The following TMEM200B variants were observed in gnomAD, a reference collection of about 807,000 sequenced individuals.
TMEM200B encodes the protein transmembrane protein TTMA.
A neutral mutation model predicts 17.6 loss-of-function variants in TMEM200B; 12 were observed. The ratio of observed to expected loss-of-function variants is 0.68; its 90% CI spans 0.44 to 1.11. The LOEUF (loss-of-function observed/expected upper bound fraction) is 1.11. Ranked by LOEUF, TMEM200B falls within the 50% of genes least tolerant of loss-of-function variation. TMEM200B has a pLI of 0.00. For synonymous variants in TMEM200B, 234 were observed against 209.2 expected, an observed-to-expected ratio of 1.12 and a Z score of -1.02; for missense variants, 456 against 447.6, an observed-to-expected ratio of 1.02 and a Z score of -0.17.
chr1:29,121,157 G>A lies in TMEM200B; in HGVS notation c.672C>T (p.Tyr224=). The change falls in exon 2 of 2, where the codon TAC becomes TAT. Residue 224 remains tyrosine, a synonymous_variant. Coordinates refer to ENST00000521452, the MANE Select transcript of TMEM200B (RefSeq NM_001003682.4). This position sits in a 1 kb window ranked among gnomAD's most constrained non-coding sequence, Gnocchi z 5.6. ...GGGGCAGCCCGGGGCCCTTCAGCGG[G>A]TAGCTGTTGAGCAAGGCAGGTAACC... ...RLGLPALLNS[Y]PLKGPGLPPP... is the part of the protein sequence containing the mutation. 1 of 1,613,686 alleles carries A rather than the reference G, an allele frequency of 6.2e-7. No individual in the cohort carries two copies.
Position 29,119,557 on chromosome 1 carries a change from G to A in TMEM200B, c.*1348C>T, listed in dbSNP as rs1671537277. 1 of 152,364 alleles carries A rather than the reference G, an allele frequency of 6.6e-6. No homozygotes were observed. Among genetic ancestry groups the A allele is most frequent in the East Asian group, 1.9e-4 (1 of 5,186 alleles). The allele number at this position is 152,364 out of a possible 1,614,324, so 9.4% of individuals were successfully genotyped here. On this transcript the variant is annotated 3_prime_UTR_variant, in exon 2 of 2. Transcript: ENST00000521452. ...CGAGGGCTCAGGGAGCCTAACTGCG[G>A]GACCCGTCAGGGCCCCGTGACCCAT...
chr1:29,122,399 C>G (rs900886123), intron 1 of TMEM200B: 1 of 152,498 alleles, frequency 6.6e-6, no homozygotes, highest in Admixed American at 6.5e-5. Flanking sequence ...CCGGCTCCAG[C>G]CTCTCCCTGC....
rs767429790 is a variant in TMEM200B at position 29,121,172 on chromosome 1, G to A, written c.657C>T (p.Ala219=). The change falls in exon 2 of 2, where the codon GCC becomes GCT. Residue 219 remains alanine (A), a synonymous_variant. Coordinates refer to ENST00000521452, the MANE Select transcript of TMEM200B (RefSeq NM_001003682.4). This position sits in a 1 kb window ranked among gnomAD's most constrained non-coding sequence, Gnocchi z 5.6. ...CCTTCAGCGGGTAGCTGTTGAGCAA[G>A]GCAGGTAACCCCAAGCGAGGATTAG... is the stretch of plus-strand genomic sequence containing the variant. ...EPANPRLGLP[A]LLNSYPLKGP... The A allele has an allele frequency of 4.2e-5, 68 of 1,613,508 alleles. No individual in the cohort carries two copies. The Admixed American group carries it at 9.8e-4, about 23-fold the overall frequency.
Position 29,120,573 on chromosome 1 carries a change from C to G in TMEM200B, c.*332G>C, listed in dbSNP as rs1671716158. 1 of 307,902 alleles carries G rather than the reference C, an allele frequency of 3.2e-6. No homozygotes were observed. 19.1% of individuals were successfully genotyped at this position (307,902 alleles called of 1,614,324 possible). A position where few individuals can be genotyped will look rare whatever the true frequency, so the allele number is the denominator to read the frequency against. On this transcript the variant is annotated 3_prime_UTR_variant, in exon 2 of 2. Transcript: ENST00000521452. Reference sequence around the variant, plus strand: ...CTTGCCCACCACTTTCTTGGGTTTGCCAAGACACTGGGTACATCTCCCAGT... The same window carrying G: ...CTTGCCCACCACTTTCTTGGGTTTGGCAAGACACTGGGTACATCTCCCAGT...
Position 29,121,164 on chromosome 1 carries a change from T to G in TMEM200B, c.665A>C (p.Asn222Thr), listed in dbSNP as rs546171608. 1.9e-6 allele frequency: 3 copies of G among 1,613,612 alleles called. No homozygotes were observed. In the South Asian group the frequency reaches 3.3e-5, roughly 18 times the overall value. The change falls in exon 2 of 2, where the codon AAC becomes ACC. Residue 222 changes from asparagine to threonine, a missense_variant. Asn to Thr is a moderately conservative substitution (Grantham distance 65). Transcript: ENST00000521452. This position sits in a 1 kb window ranked among gnomAD's most constrained non-coding sequence, Gnocchi z 5.6. The part of the protein sequence containing the change: ...NPRLGLPALL[N>T]SYPLKGPGLP... Reference sequence around the variant, plus strand: ...CCCGGGGCCCTTCAGCGGGTAGCTGTTGAGCAAGGCAGGTAACCCCAAGCG... The same window carrying G: ...CCCGGGGCCCTTCAGCGGGTAGCTGGTGAGCAAGGCAGGTAACCCCAAGCG...
chr1:29,119,487 A>T lies in TMEM200B; in HGVS notation c.*1418T>A, dbSNP rs891592701. 1 of 152,340 alleles carries T rather than the reference A, an allele frequency of 6.6e-6. No individual in the cohort carries two copies. Among genetic ancestry groups the T allele is most frequent in the Non-Finnish European group, 1.5e-5 (1 of 68,056 alleles). The allele number at this position is 152,340 out of a possible 1,614,324, so 9.4% of individuals were successfully genotyped here. On this transcript the variant is annotated 3_prime_UTR_variant, in exon 2 of 2. Coordinates refer to ENST00000521452, the MANE Select transcript of TMEM200B (RefSeq NM_001003682.4). The stretch of plus-strand genomic sequence containing the variant: ...ATAAAGATTTCCTCCAAGCCACATG[A>T]GGACTCTGGCACCCACCCACAAAGC...
At chr1:29,123,288 G>A (rs1377759871) in intron 1 of TMEM200B, among the ~76,000 whole-genome samples, 2 of 152,174 alleles carry the variant, frequency 1.3e-5, no homozygotes, top group Non-Finnish European at 2.9e-5. Context: ...GAGACTGCCC[G>A]ACCCCGCACT....
At position 29,119,933 on chromosome 1, in the gene TMEM200B, C is replaced by G. The variant is rs1198580496; in HGVS notation, c.*972G>C. Reference sequence around the variant, plus strand: ...ATCTTTAGACTACACAGGCAATAATCAAGTCTGCTGTTTTGGCCTTTCGTA... The same window carrying G: ...ATCTTTAGACTACACAGGCAATAATGAAGTCTGCTGTTTTGGCCTTTCGTA... On this transcript the variant is annotated 3_prime_UTR_variant, in exon 2 of 2. Coordinates refer to ENST00000521452, the MANE Select transcript of TMEM200B (RefSeq NM_001003682.4). The G allele has an allele frequency of 6.6e-6, 1 of 152,612 alleles. No individual in the cohort carries two copies. Among genetic ancestry groups the G allele is most frequent in the African/African-American group, 2.4e-5 (1 of 41,446 alleles). 9.5% of individuals were successfully genotyped at this position (152,612 alleles called of 1,614,324 possible). A position where few individuals can be genotyped will look rare whatever the true frequency, so the allele number is the denominator to read the frequency against.
chr1:29,123,048 G>A (rs1671872791), intron 1 of TMEM200B, among the ~76,000 whole-genome samples: 1 of 152,210 alleles, frequency 6.6e-6, no homozygotes, highest in African/African-American at 2.4e-5. Context: ...CGTCCTCACT[G>A]CTCGCGTCCG....
intron 1 of TMEM200B, among the ~76,000 whole-genome samples, chr1:29,123,423 GC>G (rs1671886701): frequency 6.6e-6 from 1 of 152,162 alleles, no homozygotes; most frequent in African/African-American, 2.4e-5. Flanking sequence ...TGAGTTTGCA[GC>G]CCTTTCCCCA....
At position 29,119,912 on chromosome 1, in the gene TMEM200B, TTAGAC is replaced by T. The variant is rs1380225206; in HGVS notation, c.*988_*992del. ...CAGCAGAATCAGATTGGCAGAATCT[TTAGAC>T]TACACAGGCAATAATCAAGTCTGCT... On this transcript the variant is annotated 3_prime_UTR_variant, in exon 2 of 2. Coordinates refer to ENST00000521452, the MANE Select transcript of TMEM200B (RefSeq NM_001003682.4). The T allele has an allele frequency of 3.3e-5, 5 of 152,682 alleles. No homozygotes were observed. The highest frequency in any genetic ancestry group is 2.1e-4 in the South Asian group (1 of 4,830). The allele number at this position is 152,682 out of a possible 1,614,324, so 9.5% of individuals were successfully genotyped here. A position where few individuals can be genotyped will look rare whatever the true frequency, so the allele number is the denominator to read the frequency against.
rs56040456 is a variant in TMEM200B, at chr1:29,121,187, G to A, written c.642C>T (p.Arg214=). 21,282 of 1,613,510 alleles carry A rather than the reference G, an allele frequency of 0.013. 237 individuals carry two copies. The highest frequency in any genetic ancestry group is 0.051 in the Middle Eastern group (308 of 6,062). ...RSLRSEPANP[R]LGLPALLNSY... ...TGTTGAGCAAGGCAGGTAACCCCAA[G>A]CGAGGATTAGCGGGCTCTGAACGCA... Residue 214 remains arginine, a synonymous_variant, in exon 2 of 2, where the codon CGC becomes CGT. Coordinates refer to ENST00000521452, the MANE Select transcript of TMEM200B (RefSeq NM_001003682.4). The surrounding 1 kb of genome is among the most constrained non-coding windows in gnomAD (Gnocchi z 5.6).
chr1:29,122,179 G>C (rs898179266), intron 1 of TMEM200B, among the ~76,000 whole-genome samples: 1 of 152,112 alleles, frequency 6.6e-6, no homozygotes, highest in Admixed American at 6.5e-5. Flanking sequence ...GCAAGCCCGC[G>C]GGTCTTGGGC....
chr1:29,122,777 CGCCCGAGGCCTCCGTG>C (rs1332654563), intron 1 of TMEM200B, among the ~76,000 whole-genome samples: 1 of 152,248 alleles, frequency 6.6e-6, no homozygotes, highest in African/African-American at 2.4e-5. Context: ...CCGCCTCCTC[CGCCCGAGGCCTCCGTG>C]GCCCGTGGCC....
At chr1:29,122,801 G>T (rs975760429) in intron 1 of TMEM200B, among the ~76,000 whole-genome samples, 1 of 152,246 alleles carries the variant, frequency 6.6e-6, no homozygotes, top group African/African-American at 2.4e-5. Context: ...GTGGCCCGTG[G>T]CCCGGTCAGA....
Position 29,120,481 on chromosome 1 carries a change from A to C in TMEM200B, c.*424T>G. ...CCCAGAGGCCCCACACTCCATCACC[A>C]GTGCCGCCTTGGAGGGAGCCTGCCC... On this transcript the variant is annotated 3_prime_UTR_variant, in exon 2 of 2. Coordinates refer to ENST00000521452, the MANE Select transcript of TMEM200B (RefSeq NM_001003682.4). 5.5e-6 allele frequency: 1 copy of C among 183,150 alleles called. No individual in the cohort carries two copies. The allele number at this position is 183,150 out of a possible 1,614,324, so 11.3% of individuals were successfully genotyped here.
In TMEM200B at chr1:29,121,293, C is replaced by A; in HGVS notation, c.536G>T (p.Arg179Leu). ...LLPSPGPRSP[R>L]AVGCAEPEIW... Reference sequence around the variant, plus strand: ...TTCTGGCTCTGCGCAGCCTACGGCTCGGGGACTCCTAGGGCCGGGGCTGGG... The same window carrying A: ...TTCTGGCTCTGCGCAGCCTACGGCTAGGGGACTCCTAGGGCCGGGGCTGGG... The change falls in exon 2 of 2, where the codon CGA becomes CTA. Residue 179 changes from arginine (R) to leucine (L), a missense_variant. Coordinates refer to ENST00000521452, the MANE Select transcript of TMEM200B (RefSeq NM_001003682.4). The surrounding 1 kb of genome is among the most constrained non-coding windows in gnomAD (Gnocchi z 5.6). 6.2e-7 allele frequency: 1 copy of A among 1,606,596 alleles called. No individual in the cohort carries two copies.
In TMEM200B at chr1:29,121,051, ACTT is replaced by A. The variant is rs1355237407; in HGVS notation, c.775_777del (p.Lys259del). 6.2e-7 allele frequency: 1 copy of A among 1,613,714 alleles called. No homozygotes were observed. The highest frequency in any genetic ancestry group is 1.1e-5 in the South Asian group (1 of 91,078). ...AGCTCCCCAAGGCCCAGATCCAGAG[ACTT>A]GGAATGTTCAATGCAGGAGCCAGAC... On this transcript the variant is annotated inframe_deletion, in exon 2 of 2. Coordinates refer to ENST00000521452, the MANE Select transcript of TMEM200B (RefSeq NM_001003682.4). The surrounding 1 kb of genome is among the most constrained non-coding windows in gnomAD (Gnocchi z 5.6).
chr1:29,120,885 G>A lies in TMEM200B; in HGVS notation c.*20C>T. 1 of 1,567,336 alleles carries A rather than the reference G, an allele frequency of 6.4e-7. No homozygotes were observed. The highest frequency in any genetic ancestry group is 8.7e-7 in the Non-Finnish European group (1 of 1,155,468). On this transcript the variant is annotated 3_prime_UTR_variant, in exon 2 of 2. Transcript: ENST00000521452. ...GCATGGTCCATGCTGCAGCCTCAGA[G>A]CAGGCTGTCTCCCCTCTCTTCAGAC...
Sources: allele counts gnomAD v4.1 joint callset (sites outside exome capture counted in the v4.1 genomes callset), GRCh38; gene constraint gnomAD v4.1.1; non-coding constraint Gnocchi (gnomAD v3.1); transcripts MANE v1.5; gene names NCBI Gene and HGNC (gene_info 2026-07-23, HGNC 2026-07-21).